Variants in DOCK1 observed in about 807,000 individuals in gnomAD.
The protein encoded by DOCK1 is dedicator of cytokinesis protein 1.
A neutral mutation model predicts 262.7 loss-of-function variants in DOCK1; 138 were observed. The observed-to-expected ratio is 0.53, with a 90% CI of 0.46 to 0.61. The LOEUF (loss-of-function observed/expected upper bound fraction) is 0.61. Ranked by LOEUF, DOCK1 falls within the 20% of genes least tolerant of loss-of-function variation. The pLI, the probability that DOCK1 is intolerant of heterozygous loss-of-function variation, is 0.00. For synonymous variants in DOCK1, 866 were observed against 867.4 expected, an observed-to-expected ratio of 1.00 and a Z score of 0.03; for missense variants, 1,908 against 2,370.7, an observed-to-expected ratio of 0.80 and a Z score of 4.05.
chr10:126,980,398 C>T (rs190441461), intron 3 of DOCK1, among the ~76,000 whole-genome samples: 1 of 152,214 alleles, frequency 6.6e-6, no homozygotes, highest in African/African-American at 2.4e-5. Flanking sequence ...GTCTCACCAT[C>T]TTGCCCTGGC....
chr10:127,418,388 T>C lies in DOCK1; in HGVS notation c.4539T>C (p.Asn1513=), dbSNP rs762807328. The part of the protein sequence containing the change: ...VFMVEISPLE[N]AIETMQLTND... ...AGGTGGAAATCAGCCCCCTGGAGAATGCCATTGAGACCATGCAGCTGACGA... is the reference window on the plus strand; with the variant it reads ...AGGTGGAAATCAGCCCCCTGGAGAACGCCATTGAGACCATGCAGCTGACGA... The change falls in exon 45 of 52, where the codon AAT becomes AAC. Residue 1513 remains asparagine (N), a synonymous_variant. Transcript: ENST00000623213. The C allele has an allele frequency of 6.2e-6, 10 of 1,612,156 alleles. No homozygotes were observed. The highest frequency in any genetic ancestry group is 1.7e-5 in the Admixed American group (1 of 59,822).
intron 29 of DOCK1, among the ~76,000 whole-genome samples, chr10:127,335,590 C>G (rs1230088935): frequency 6.6e-6 from 1 of 151,938 alleles, no homozygotes; most frequent in African/African-American, 2.4e-5. Flanking sequence ...CTCTGTCACC[C>G]AGGCTGGAGT....
In DOCK1 at chr10:127,447,420, G is replaced by A. The variant is rs869801; in HGVS notation, c.5440G>A (p.Ala1814Thr). ...CTTGGAGCTGAACGGCATGACGGGGGCGGACGTGGCCGATGTCCCACCCCC... is the reference window on the plus strand; with the variant it reads ...CTTGGAGCTGAACGGCATGACGGGGACGGACGTGGCCGATGTCCCACCCCC... Reference protein sequence around the residue: ...SSLELNGMTGADVADVPPPLP... With the variant: ...SSLELNGMTGTDVADVPPPLP... The change falls in exon 51 of 52, where the codon GCG becomes ACG. Residue 1814 changes from alanine (A) to threonine (T), a missense_variant. Transcript: ENST00000623213. The A allele has an allele frequency of 0.25, 408,922 of 1,612,100 alleles. 53,328 individuals are homozygous for A. Among genetic ancestry groups the A allele is most frequent in the Middle Eastern group, 0.31 (1,849 of 6,056 alleles).
At position 126,927,932 on chromosome 10, in the gene DOCK1, CAG is replaced by C. The variant is rs1215323561; in HGVS notation, c.46+22370_46+22371del. 6.6e-5 allele frequency among the ~76,000 whole-genome samples: 10 copies of C among 152,156 alleles called. No individual in the cohort carries two copies. In the East Asian group the frequency reaches 1.6e-3, roughly 24 times the overall value. On this transcript the variant is annotated intron_variant, in intron 1 of 51. Transcript: ENST00000623213. ...TGCTCGGCGGAGAGGTGAGTGGTCTCAGGGAAGACACCTGCCGTGCAGGTGAG... is the reference window on the plus strand; with the variant it reads ...TGCTCGGCGGAGAGGTGAGTGGTCTCGGAAGACACCTGCCGTGCAGGTGAG...
intron 29 of DOCK1, among the ~76,000 whole-genome samples, chr10:127,327,492 G>A (rs556450136): frequency 6.6e-6 from 1 of 152,304 alleles, no homozygotes; most frequent in Non-Finnish European, 1.5e-5. Context: ...GAATTGAACA[G>A]AGTTTAGGGC....
At chr10:127,340,033 T>A (rs1196872957) in intron 30 of DOCK1, among the ~76,000 whole-genome samples, 1 of 152,196 alleles carries the variant, frequency 6.6e-6, no homozygotes, top group Non-Finnish European at 1.5e-5. Context: ...ATAATAAGTT[T>A]ACCCAATGCT....
intron 19 of DOCK1, among the ~76,000 whole-genome samples, chr10:127,038,927 G>A (rs550715658): frequency 2.1e-4 from 32 of 152,182 alleles, no homozygotes; most frequent in Non-Finnish European, 3.8e-4. Context: ...GCTATGGGAC[G>A]ATAAGGGGGT....
chr10:127,156,557 TTCTTC>T (rs781562517), intron 27 of DOCK1, among the ~76,000 whole-genome samples: 14,818 of 103,812 alleles, frequency 0.14, 1,653 homozygotes, highest in Non-Finnish European at 0.19. Context: ...CTTCTTCTTC[TTCTTC>T]TTTTTTTTTT....
In DOCK1 at chr10:127,437,833, A is replaced by G. The variant is rs1041939382; in HGVS notation, c.5061-1194A>G. On this transcript the variant is annotated intron_variant, in intron 48 of 51. Transcript: ENST00000623213. This position sits in a 1 kb window ranked among gnomAD's most constrained non-coding sequence, Gnocchi z 4.4. The stretch of plus-strand genomic sequence containing the variant: ...GCTTTCTTCCAAGTGTCCCATTCAG[A>G]AATACATGTAAAAGAAACTAGAGCT... 1.3e-5 allele frequency among the ~76,000 whole-genome samples: 2 copies of G among 152,154 alleles called. No homozygotes were observed. The highest frequency in any genetic ancestry group is 4.8e-5 in the African/African-American group (2 of 41,440).
rs1456408307 is a variant in DOCK1 at position 127,444,120 on chromosome 10, A to G, written c.5260-6A>G. The G allele has an allele frequency of 6.4e-7, 1 of 1,554,770 alleles. No homozygotes were observed. The highest frequency in any genetic ancestry group is 8.7e-7 in the Non-Finnish European group (1 of 1,149,180). On this transcript the variant is annotated splice_polypyrimidine_tract_variant and splice_region_variant and intron_variant, in intron 49 of 51. Coordinates refer to ENST00000623213, the MANE Select transcript of DOCK1 (RefSeq NM_001290223.2). Reference sequence around the variant, plus strand: ...TAACTGTGCTCTTTCTGTCCTTTTGATGTAGATAAGTCCCCTGCGGCCCCA... The same window carrying G: ...TAACTGTGCTCTTTCTGTCCTTTTGGTGTAGATAAGTCCCCTGCGGCCCCA...
At chr10:127,433,218 AG>A in intron 47 of DOCK1, 64 bp from the exon 48 acceptor site, 1 of 1,589,728 alleles carries the variant, frequency 6.3e-7, no homozygotes, top group Non-Finnish European at 8.6e-7. Flanking sequence ...ACTTTATCTC[AG>A]GAGTCTGACC....
chr10:127,195,422 C>G (rs1192420991), intron 27 of DOCK1, among the ~76,000 whole-genome samples: 2 of 152,120 alleles, frequency 1.3e-5, no homozygotes, highest in Non-Finnish European at 2.9e-5. Flanking sequence ...GTGCCAACCC[C>G]AGCGAGTGGA....
intron 40 of DOCK1, among the ~76,000 whole-genome samples, chr10:127,406,538 C>T (rs2134350197): frequency 6.6e-6 from 1 of 152,332 alleles, no homozygotes; most frequent in Middle Eastern, 3.4e-3. Flanking sequence ...ATGACACTGG[C>T]AGTTACCAAA....
intron 25 of DOCK1, among the ~76,000 whole-genome samples, chr10:127,112,582 A>G (rs1398321998): frequency 6.6e-6 from 1 of 152,208 alleles, no homozygotes; most frequent in Admixed American, 6.5e-5. Flanking sequence ...AATATTTTGA[A>G]ATAATTAACC....
chr10:127,306,880 G>T (rs557859612), intron 29 of DOCK1, among the ~76,000 whole-genome samples: 1 of 152,046 alleles, frequency 6.6e-6, no homozygotes, highest in Non-Finnish European at 1.5e-5. Context: ...TCTCTCTCTC[G>T]ATAAGAATTA....
chr10:127,359,495 C>G (rs750745409), intron 32 of DOCK1, among the ~76,000 whole-genome samples: 18 of 152,176 alleles, frequency 1.2e-4, no homozygotes, highest in Non-Finnish European at 2.1e-4. Context: ...TTTTCTGAAA[C>G]ATTGGCTCTG....
At chr10:127,027,837 T>A (rs770184672) in intron 16 of DOCK1, among the ~76,000 whole-genome samples, 5 of 151,870 alleles carry the variant, frequency 3.3e-5, no homozygotes, top group Admixed American at 6.6e-5. Context: ...GGAGAGCAAA[T>A]GCACGAGCAC....
chr10:127,329,220 A>AACCTGTCCTGTGCCC (rs2062870161), intron 29 of DOCK1, among the ~76,000 whole-genome samples: 1 of 152,112 alleles, frequency 6.6e-6, no homozygotes, highest in Non-Finnish European at 1.5e-5. Context: ...CATCCAGGAC[A>AACCTGTCCTGTGCCC]ACCTGTCCTG....
At chr10:127,040,954 T>C (rs1564754949) in intron 19 of DOCK1, among the ~76,000 whole-genome samples, 1 of 152,202 alleles carries the variant, frequency 6.6e-6, no homozygotes, top group Admixed American at 6.5e-5. Flanking sequence ...ATCTGCTTCC[T>C]GTCTCGATGG....
Sources: allele counts gnomAD v4.1 joint callset (sites outside exome capture counted in the v4.1 genomes callset), GRCh38; gene constraint gnomAD v4.1.1; non-coding constraint Gnocchi (gnomAD v3.1); transcripts MANE v1.5; gene names NCBI Gene and HGNC (gene_info 2026-07-23, HGNC 2026-07-21).